Variants in LMTK2 observed in about 807,000 individuals in gnomAD.
LMTK2 encodes the protein lemur tail kinase 2, also known as serine/threonine-protein kinase LMTK2.
In LMTK2, 37 loss-of-function variants were observed where a neutral mutation model predicts 127.5. That is an observed-to-expected ratio of 0.29 (90% CI 0.22 to 0.38). The LOEUF (loss-of-function observed/expected upper bound fraction) is 0.38. Among genes scored for constraint, LMTK2 ranks in the 10% least tolerant of loss-of-function variants. The probability of loss-of-function intolerance (pLI) is 1.00; values close to 1 mark genes in which losing one functional copy is unlikely to be tolerated. For missense variants in LMTK2, 1,694 were observed against 1,920.3 expected, an observed-to-expected ratio of 0.88 and a Z score of 2.20; for synonymous variants, 819 against 810.1, an observed-to-expected ratio of 1.01 and a Z score of -0.19.
At chr7:98,109,383 A>G (rs1158532881) in intron 1 of LMTK2, among the ~76,000 whole-genome samples, 1 of 152,044 alleles carries the variant, frequency 6.6e-6, no homozygotes, top group African/African-American at 2.4e-5. Context: ...TCTTTGTAGG[A>G]TAGGTGTATA....
At position 98,154,886 on chromosome 7, in the gene LMTK2, C is replaced by T. The variant is rs1796905550; in HGVS notation, c.569+10C>T. On this transcript the variant is annotated intron_variant, in intron 5 of 13. Coordinates refer to ENST00000297293, the MANE Select transcript of LMTK2 (RefSeq NM_014916.4). ...ATGGAGAACCTTACTAGTAAGTAAA[C>T]CTTGTCATGTGTTCTGTAAGACTAG... 6.9e-7 allele frequency: 1 copy of T among 1,458,110 alleles called. No individual in the cohort carries two copies. Among genetic ancestry groups the T allele is most frequent in the Non-Finnish European group, 9.6e-7 (1 of 1,037,802 alleles). 90.3% of individuals were successfully genotyped at this position (1,458,110 alleles called of 1,614,324 possible).
chr7:98,158,082 A>G (rs932633497), intron 5 of LMTK2, among the ~76,000 whole-genome samples: 3 of 152,250 alleles, frequency 2.0e-5, no homozygotes, highest in African/African-American at 7.2e-5. Flanking sequence ...TAATTGTATC[A>G]AAATAAAGGG....
chr7:98,161,669 T>C (rs929749719), intron 6 of LMTK2, among the ~76,000 whole-genome samples: 6 of 152,156 alleles, frequency 3.9e-5, no homozygotes, highest in African/African-American at 1.4e-4. Context: ...ATTTATGATC[T>C]TAGGTTATTG....
chr7:98,138,208 G>C (rs1393101445), intron 2 of LMTK2, among the ~76,000 whole-genome samples: 3 of 152,148 alleles, frequency 2.0e-5, no homozygotes. Context: ...CAGAGAAAAT[G>C]GTCCTTAATG....
Position 98,193,619 on chromosome 7 carries a change from G to C in LMTK2, c.3154G>C (p.Ala1052Pro). ...CTTGCATCCCGCTCCCGAGGGCACCGCAGACTCAGAACCAGCCACCACGGG... is the reference window on the plus strand; with the variant it reads ...CTTGCATCCCGCTCCCGAGGGCACCCCAGACTCAGAACCAGCCACCACGGG... ...WTLHPAPEGTADSEPATTGDG... is the reference protein window; with the variant it reads ...WTLHPAPEGTPDSEPATTGDG... The change falls in exon 11 of 14, where the codon GCA (alanine) becomes CCA (proline). Residue 1052 changes from alanine to proline, a missense_variant. Transcript: ENST00000297293. This position sits in a 1 kb window ranked among gnomAD's most constrained non-coding sequence, Gnocchi z 4.1. The C allele has an allele frequency of 6.2e-7, 1 of 1,613,864 alleles. No individual in the cohort carries two copies. Among genetic ancestry groups the C allele is most frequent in the Non-Finnish European group, 8.5e-7 (1 of 1,180,014 alleles).
intron 1 of LMTK2, among the ~76,000 whole-genome samples, chr7:98,129,075 TTTA>T (rs771059213): frequency 4.1e-4 from 62 of 151,874 alleles, no homozygotes; most frequent in Non-Finnish European, 5.0e-4. Context: ...AAAACGTAAG[TTTA>T]TTATTATTAT....
At chr7:98,172,945 A>G (rs1210193872) in intron 7 of LMTK2, among the ~76,000 whole-genome samples, 1 of 152,124 alleles carries the variant, frequency 6.6e-6, no homozygotes, top group Non-Finnish European at 1.5e-5. Flanking sequence ...TTCAGTACAG[A>G]TGGGGTTTCA....
chr7:98,129,355 AGTTTTGTTTTGTTTTGTTTT>A lies in LMTK2; in HGVS notation c.104-7937_104-7918del, dbSNP rs10611952. Among the ~76,000 whole-genome samples the A allele has an allele frequency of 5.2e-4, 78 of 148,934 alleles. 1 individual carries two copies. Among genetic ancestry groups the A allele is most frequent in the South Asian group, 1.5e-3 (7 of 4,640 alleles). On this transcript the variant is annotated intron_variant, in intron 1 of 13. Coordinates refer to ENST00000297293, the MANE Select transcript of LMTK2 (RefSeq NM_014916.4). ...CCGTACCTGGCCCATAAGTTTATTC[AGTTTTGTTTTGTTTTGTTTT>A]GTTTTGTTTTGTTTTGTTTTGTGAT...
chr7:98,138,600 C>CT (rs1796630687), intron 2 of LMTK2, among the ~76,000 whole-genome samples: 1 of 152,192 alleles, frequency 6.6e-6, no homozygotes, highest in African/African-American at 2.4e-5. Context: ...ATGGCGCCTG[C>CT]TGACGGCACT....
Position 98,179,591 on chromosome 7 carries a change from T to G in LMTK2, c.792-5460T>G, listed in dbSNP as rs10273378. On this transcript the variant is annotated intron_variant, in intron 7 of 13. Transcript: ENST00000297293. ...ATGTTCCTCCTCCCTCTCTCCCTCCTTCCCTCTCTCCCTCCCTCCCTTTCT... is the reference window on the plus strand; with the variant it reads ...ATGTTCCTCCTCCCTCTCTCCCTCCGTCCCTCTCTCCCTCCCTCCCTTTCT... Among the ~76,000 whole-genome samples, 3 of 142,258 alleles carry G rather than the reference T, an allele frequency of 2.1e-5. No homozygotes were observed. The East Asian group carries it at 6.5e-4, about 31-fold the overall frequency. 93.3% of individuals were successfully genotyped at this position (142,258 alleles called of 152,430 possible).
At position 98,182,039 on chromosome 7, in the gene LMTK2, G is replaced by A. The variant is rs139694114; in HGVS notation, c.792-3012G>A. Among the ~76,000 whole-genome samples, 320 of 152,202 alleles carry A rather than the reference G, an allele frequency of 2.1e-3. 3 individuals are homozygous for A. The highest frequency in any genetic ancestry group is 0.014 in the Admixed American group (207 of 15,278). Reference sequence around the variant, plus strand: ...TTCAACAAATGCTGCTGGGAAAATGGGATATCCACATGCAAAAAATGAAGT... The same window carrying A: ...TTCAACAAATGCTGCTGGGAAAATGAGATATCCACATGCAAAAAATGAAGT... On this transcript the variant is annotated intron_variant, in intron 7 of 13. Transcript: ENST00000297293.
intron 1 of LMTK2, among the ~76,000 whole-genome samples, chr7:98,122,708 GTGTGTGTGTGTGTGTGTGTATA>G (rs879699301): frequency 0.086 from 320 of 3,702 alleles, 8 homozygotes; most frequent in Admixed American, 0.34. Flanking sequence ...GTGTGTGTGT[GTGTGTGTGTGTGTGTGTGTATA>G]TATATAACTG....
At chr7:98,200,234 G>T (rs1460358303) in intron 11 of LMTK2, among the ~76,000 whole-genome samples, 1 of 152,044 alleles carries the variant, frequency 6.6e-6, no homozygotes. Flanking sequence ...TAGGCCTTTT[G>T]CCCTCCGTCC....
At chr7:98,201,070 A>G (rs1584301086) in intron 11 of LMTK2, among the ~76,000 whole-genome samples, 1 of 150,704 alleles carries the variant, frequency 6.6e-6, no homozygotes, top group Non-Finnish European at 1.5e-5. Context: ...GATTCCTTTT[A>G]TTTTTAAATA....
intron 1 of LMTK2, among the ~76,000 whole-genome samples, chr7:98,114,862 A>T (rs1012045446): frequency 3.3e-5 from 5 of 151,804 alleles, no homozygotes; most frequent in Non-Finnish European, 4.4e-5. Context: ...TATTTTTTTT[A>T]AAACCTCTTT....
intron 11 of LMTK2, among the ~76,000 whole-genome samples, chr7:98,203,210 C>T (rs1486807312): frequency 2.0e-5 from 3 of 152,218 alleles, no homozygotes; most frequent in Non-Finnish European, 2.9e-5. Flanking sequence ...GTGTCCAGGG[C>T]AGTGCCCACT....
Position 98,192,944 on chromosome 7 carries a change from C to T in LMTK2, c.2479C>T (p.Arg827Cys), listed in dbSNP as rs773717599. 5.6e-6 allele frequency: 9 copies of T among 1,613,980 alleles called. No individual in the cohort carries two copies. The highest frequency in any genetic ancestry group is 4.0e-5 in the African/African-American group (3 of 74,920). The part of the protein sequence containing the change: ...PTSFETEETP[R>C]RVPPDSLPTQ... ...CTCCTTCGAAACAGAAGAAACGCCC[C>T]GTCGGGTACCCCCAGACTCACTCCC... is the stretch of plus-strand genomic sequence containing the variant. Residue 827 changes from arginine (R) to cysteine (C), a missense_variant, in exon 11 of 14, where the codon CGT becomes TGT. Physicochemically the swap from Arg to Cys is radical, Grantham distance 180. This residue lies in a region of LMTK2 where 527 missense variants were observed against 539.8 expected (regional missense o/e 0.98). Transcript: ENST00000297293.
intron 8 of LMTK2, 39 bp downstream of exon 8, chr7:98,185,174 T>C: frequency 7.0e-7 from 1 of 1,430,660 alleles, no homozygotes; most frequent in Non-Finnish European, 9.8e-7. Flanking sequence ...CTGATTTAAT[T>C]TGAATTGTGA....
chr7:98,190,875 A>G lies in LMTK2; in HGVS notation c.1146A>G (p.Arg382=). The G allele has an allele frequency of 6.2e-7, 1 of 1,614,032 alleles. No homozygotes were observed. The highest frequency in any genetic ancestry group is 8.5e-7 in the Non-Finnish European group (1 of 1,179,950). Residue 382 remains arginine (R), a splice_region_variant and synonymous_variant, in exon 10 of 14, where the codon AGA becomes AGG. Transcript: ENST00000297293. ...KPQLEQPYSD[R]WYEVLQFCWL... is the part of the protein sequence containing the mutation. ...AGCTGGAGCAGCCCTACTCTGATAGATGGTTGGTAGCCTCACATTCCGCCT... is the reference window on the plus strand; with the variant it reads ...AGCTGGAGCAGCCCTACTCTGATAGGTGGTTGGTAGCCTCACATTCCGCCT...
Sources: gnomAD v4.1 joint callset for allele counts (sites outside exome capture counted in the v4.1 genomes callset) on GRCh38, gnomAD v4.1.1 for gene constraint, gnomAD v4.1.1 regional missense constraint, Gnocchi (gnomAD v3.1) non-coding constraint, MANE v1.5 for transcripts, NCBI Gene and HGNC (gene_info 2026-07-23, HGNC 2026-07-21) for gene names.